The following PPP1R10 variants were observed in gnomAD, a reference collection of about 807,000 sequenced individuals.
The protein encoded by PPP1R10 is protein phosphatase 1 regulatory subunit 10.
In PPP1R10, 15 loss-of-function variants were observed where a neutral mutation model predicts 99.0. That is an observed-to-expected ratio of 0.15 (90% CI 0.10 to 0.23). The LOEUF is 0.23. PPP1R10 is among the 10% of genes least tolerant of loss of function. PPP1R10 has a pLI of 1.00. For synonymous variants in PPP1R10, 430 were observed against 449.5 expected (o/e 0.96, Z 0.55); for missense variants, 947 against 1,259.4 (o/e 0.75, Z 3.75).
chr6:30,607,825 G>A lies in PPP1R10; in HGVS notation c.382+15C>T. 1 of 1,610,944 alleles carries A rather than the reference G, an allele frequency of 6.2e-7. No individual in the cohort carries two copies. Among genetic ancestry groups the A allele is most frequent in the Non-Finnish European group, 8.5e-7 (1 of 1,178,124 alleles). Reference sequence around the variant, plus strand: ...ATAGAGAAAAGCCCATGAGAGAGCAGAAGTGGCACCCTACCTTCATCCTCA... The same window carrying A: ...ATAGAGAAAAGCCCATGAGAGAGCAAAAGTGGCACCCTACCTTCATCCTCA... On this transcript the variant is annotated intron_variant, in intron 6 of 19. Coordinates refer to ENST00000376511, the MANE Select transcript of PPP1R10 (RefSeq NM_002714.4).
In PPP1R10 at chr6:30,609,403, C is replaced by T. The variant is rs2127446170; in HGVS notation, c.108-240G>A. Reference sequence around the variant, plus strand: ...AGAGCATCGCTGCCTCCGTAACACACAGGATGAATTCCATTCTGCCTCCAG... The same window carrying T: ...AGAGCATCGCTGCCTCCGTAACACATAGGATGAATTCCATTCTGCCTCCAG... On this transcript the variant is annotated intron_variant, in intron 3 of 19. Coordinates refer to ENST00000376511, the MANE Select transcript of PPP1R10 (RefSeq NM_002714.4). The surrounding 1 kb of genome is among the most constrained non-coding windows in gnomAD (Gnocchi z 4.5). 6.6e-6 allele frequency among the ~76,000 whole-genome samples: 1 copy of T among 152,286 alleles called. No individual in the cohort carries two copies. The highest frequency in any genetic ancestry group is 1.9e-4 in the East Asian group (1 of 5,176).
Position 30,603,728 on chromosome 6 carries a change from C to G in PPP1R10, c.1572+52G>C, listed in dbSNP as rs376779904. On this transcript the variant is annotated intron_variant, in intron 15 of 19. Coordinates refer to ENST00000376511, the MANE Select transcript of PPP1R10 (RefSeq NM_002714.4). ...CAGAGACATTCTCATATGAAAGATG[C>G]ACCGAATTCAATGACCATCACAACT... The G allele has an allele frequency of 5.3e-5, 82 of 1,545,614 alleles. 5 individuals are homozygous for G. Among genetic ancestry groups the G allele is most frequent in the East Asian group, 3.4e-4 (15 of 44,298 alleles).
In PPP1R10 at chr6:30,602,992, G is replaced by C; in HGVS notation, c.1844-33C>G. The C allele has an allele frequency of 6.7e-7, 1 of 1,503,306 alleles. No individual in the cohort carries two copies. Among genetic ancestry groups the C allele is most frequent in the Non-Finnish European group, 9.0e-7 (1 of 1,114,912 alleles). 93.1% of individuals were successfully genotyped at this position (1,503,306 alleles called of 1,614,324 possible). On this transcript the variant is annotated intron_variant, in intron 17 of 19. Transcript: ENST00000376511. This position sits in a 1 kb window ranked among gnomAD's most constrained non-coding sequence, Gnocchi z 6.7. The stretch of plus-strand genomic sequence containing the variant: ...TGAAAACAAGAGTAACACAGCATGA[G>C]CACTCTAGAAGACTAGCATGATCTC...
intron 2 of PPP1R10, chr6:30,614,685 T>G (rs1249787466): frequency 1.3e-5 from 2 of 151,806 alleles, no homozygotes; most frequent in African/African-American, 4.8e-5. Context: ...CTTTCCCATC[T>G]CCCTCTACAC....
Position 30,602,588 on chromosome 6 carries a change from C to T in PPP1R10, c.2061G>A (p.Met687Ile). The change falls in exon 19 of 20, where the codon ATG becomes ATA. Residue 687 changes from methionine to isoleucine, a missense_variant. Transcript: ENST00000376511. This position sits in a 1 kb window ranked among gnomAD's most constrained non-coding sequence, Gnocchi z 6.7. ...GACCCCCCCGCATTGGGCCACCCCGCATAGGGTCGCCCGGGCCATCCCAGA... is the reference window on the plus strand; with the variant it reads ...GACCCCCCCGCATTGGGCCACCCCGTATAGGGTCGCCCGGGCCATCCCAGA... Reference protein sequence around the residue: ...DPFWDGPGDPMRGGPMRGGPG... With the variant: ...DPFWDGPGDPIRGGPMRGGPG... 1 of 1,573,532 alleles carries T rather than the reference C, an allele frequency of 6.4e-7. No individual in the cohort carries two copies. The highest frequency in any genetic ancestry group is 8.6e-7 in the Non-Finnish European group (1 of 1,162,308).
chr6:30,609,720 G>T lies in PPP1R10; in HGVS notation c.107+118C>A. 2 of 860,808 alleles carry T rather than the reference G, an allele frequency of 2.3e-6. No individual in the cohort carries two copies. The highest frequency in any genetic ancestry group is 3.9e-6 in the Non-Finnish European group (2 of 518,126). The allele number at this position is 860,808 out of a possible 1,614,324, so 53.3% of individuals were successfully genotyped here. On this transcript the variant is annotated intron_variant, in intron 3 of 19. Transcript: ENST00000376511. This position sits in a 1 kb window ranked among gnomAD's most constrained non-coding sequence, Gnocchi z 4.5. ...AAAATTGTTACATTTTAATCCTATTGCACTGACTATCTTTCCCTTTCCTTT... is the reference window on the plus strand; with the variant it reads ...AAAATTGTTACATTTTAATCCTATTTCACTGACTATCTTTCCCTTTCCTTT...
At chr6:30,611,989 G>C (rs979367525) in intron 2 of PPP1R10, among the ~76,000 whole-genome samples, 1 of 152,122 alleles carries the variant, frequency 6.6e-6, no homozygotes, top group Non-Finnish European at 1.5e-5. Flanking sequence ...AAACTATAAA[G>C]AGATACGATA....
chr6:30,607,653 A>T (rs1173601399), intron 6 of PPP1R10, among the ~76,000 whole-genome samples, 187 bp downstream of exon 6: 1 of 152,214 alleles, frequency 6.6e-6, no homozygotes, highest in Non-Finnish European at 1.5e-5. Flanking sequence ...GAAATGAACA[A>T]CTTTGGAATT....
chr6:30,603,878 T>A (rs780643353), intron 14 of PPP1R10, 35 bp from the exon 15 acceptor site: 15 of 1,523,890 alleles, frequency 9.8e-6, no homozygotes, highest in Admixed American at 2.2e-5. Context: ...GAAAAAAGAA[T>A]GATAGTCAAG....
intron 10 of PPP1R10, chr6:30,605,721 G>C: frequency 1.7e-6 from 1 of 573,970 alleles, no homozygotes; most frequent in Admixed American, 3.2e-5. Flanking sequence ...TTAGCCGGGC[G>C]TGGTGGCGGG....
chr6:30,603,755 C>T lies in PPP1R10; in HGVS notation c.1572+25G>A. The T allele has an allele frequency of 1.9e-6, 3 of 1,544,284 alleles. No individual in the cohort carries two copies. In the South Asian group the frequency reaches 3.8e-5, roughly 19 times the overall value. ...CCGAATTCAATGACCATCACAACTT[C>T]CATCATCACAGAACATTGACTTACC... On this transcript the variant is annotated intron_variant, in intron 15 of 19. Transcript: ENST00000376511.
chr6:30,602,114 A>C lies in PPP1R10; in HGVS notation c.2535T>G (p.His845Gln), dbSNP rs1222511828. 17 of 1,604,278 alleles carry C rather than the reference A, an allele frequency of 1.1e-5. No homozygotes were observed. Among genetic ancestry groups the C allele is most frequent in the Non-Finnish European group, 1.3e-5 (15 of 1,174,936 alleles). Residue 845 changes from histidine (H) to glutamine (Q), a missense_variant, in exon 19 of 20, where the codon CAT becomes CAG. His to Gln is a conservative substitution (Grantham distance 24, BLOSUM62 0). Around this residue, in one of 10 missense-constraint regions of PPP1R10, gnomAD observed 525 missense variants for 578.8 expected, o/e 0.91. Coordinates refer to ENST00000376511, the MANE Select transcript of PPP1R10 (RefSeq NM_002714.4). The surrounding 1 kb of genome is among the most constrained non-coding windows in gnomAD (Gnocchi z 6.7). ...CGTGTCCAGGGCCTTCATGGGGACG[A>C]TGTCCACCACTTCCACCCATGCTTC... ...PGGSMGGSGG[H>Q]RPHEGPGHGG...
chr6:30,601,882 A>C, intron 19 of PPP1R10, 54 bp downstream of exon 19: 1 of 1,455,782 alleles, frequency 6.9e-7, no homozygotes, highest in Non-Finnish European at 9.0e-7. Flanking sequence ...CCCACTCCCC[A>C]AAAGCTTGTA....
chr6:30,615,418 T>C (rs965272842), intron 2 of PPP1R10, among the ~76,000 whole-genome samples: 1 of 151,768 alleles, frequency 6.6e-6, no homozygotes, highest in Non-Finnish European at 1.5e-5. Flanking sequence ...ATCCTCCCTA[T>C]AGAGGGAAAG....
chr6:30,607,983 CTTTT>C (rs373428073), intron 5 of PPP1R10, 92 bp from the exon 6 acceptor site: 78 of 906,112 alleles, frequency 8.6e-5, no homozygotes, highest in Non-Finnish European at 9.7e-5. Context: ...GTCCTCCCTG[CTTTT>C]TTTTTTTTTT....
intron 5 of PPP1R10, among the ~76,000 whole-genome samples, chr6:30,608,502 C>G (rs1804203023): frequency 6.6e-6 from 1 of 152,040 alleles, no homozygotes; most frequent in Non-Finnish European, 1.5e-5. Context: ...GGGGTTTCAC[C>G]ACGTCAGCCA....
At chr6:30,607,030 C>A (rs1804023415) in intron 6 of PPP1R10, among the ~76,000 whole-genome samples, 174 bp from the exon 7 acceptor site, 2 of 152,170 alleles carry the variant, frequency 1.3e-5, no homozygotes, top group Non-Finnish European at 2.9e-5. Context: ...AAAAATGGAA[C>A]AATGAATTAG....
Position 30,612,974 on chromosome 6 carries a change from AGCT to A in PPP1R10, c.-11-3022_-11-3020del, listed in dbSNP as rs973555129. On this transcript the variant is annotated intron_variant, in intron 2 of 19. Transcript: ENST00000376511. ...GGCATGATTATGTCTTCTTTTAATG[AGCT>A]GCTATTTTCTTGACTGCAGAACATA... Among the ~76,000 whole-genome samples, 119 of 152,240 alleles carry A rather than the reference AGCT, an allele frequency of 7.8e-4. 1 individual carries two copies. The highest frequency in any genetic ancestry group is 2.8e-3 in the African/African-American group (117 of 41,542).
Position 30,606,293 on chromosome 6 carries a change from C to T in PPP1R10, c.635-50G>A, listed in dbSNP as rs763660389. 3.8e-6 allele frequency: 6 copies of T among 1,598,862 alleles called. No homozygotes were observed. Among genetic ancestry groups the T allele is most frequent in the South Asian group, 3.3e-5 (3 of 90,452 alleles). On this transcript the variant is annotated intron_variant, in intron 8 of 19. Transcript: ENST00000376511. This position sits in a 1 kb window ranked among gnomAD's most constrained non-coding sequence, Gnocchi z 6.3. ...CAGCTGAACTCAAACCCCAGACCCC[C>T]GAATTTTCCTCCCGTTCTCACCCGC...
Sources: gnomAD v4.1 joint callset for allele counts (sites outside exome capture counted in the v4.1 genomes callset) on GRCh38, gnomAD v4.1.1 for gene constraint, gnomAD v4.1.1 regional missense constraint, Gnocchi (gnomAD v3.1) non-coding constraint, MANE v1.5 for transcripts, NCBI Gene and HGNC (gene_info 2026-07-23, HGNC 2026-07-21) for gene names.